Variants in AGBL1 observed in about 807,000 individuals in gnomAD.
The protein encoded by AGBL1 is AGBL carboxypeptidase 1.
AGBL1 carries 130 observed loss-of-function variants against 118.9 expected under a neutral mutation model. The ratio of observed to expected loss-of-function variants is 1.09; its 90% confidence interval spans 0.95 to 1.26. The LOEUF is 1.26. AGBL1 is among the 50% of genes most tolerant of loss of function. The pLI, the probability that AGBL1 is intolerant of heterozygous loss-of-function variation, is 0.00. For missense variants in AGBL1, 1,584 were observed against 1,298.1 expected, an observed-to-expected ratio of 1.22 and a Z score of -3.38; for synonymous variants, 555 against 478.9, an observed-to-expected ratio of 1.16 and a Z score of -2.08.
At chr15:86,322,086 T>C (rs2080112608) in intron 17 of AGBL1, among the ~76,000 whole-genome samples, 6 of 150,964 alleles carry the variant, frequency 4.0e-5, no homozygotes, top group Admixed American at 3.3e-4. Context: ...CTAATTTTTG[T>C]AACTATCTCG....
intron 18 of AGBL1, among the ~76,000 whole-genome samples, chr15:86,400,276 A>G (rs2081424646): frequency 6.6e-6 from 1 of 152,118 alleles, no homozygotes; most frequent in African/African-American, 2.4e-5. Context: ...TCCCATGGAT[A>G]AAATCTAATC....
intron 5 of AGBL1, among the ~76,000 whole-genome samples, chr15:86,199,354 A>G (rs2077867776): frequency 6.6e-6 from 1 of 152,180 alleles, no homozygotes; most frequent in Admixed American, 6.5e-5. Flanking sequence ...TGGACCTGCT[A>G]TTCTAGAACT....
intron 17 of AGBL1, among the ~76,000 whole-genome samples, chr15:86,380,982 A>G (rs2081106910): frequency 6.6e-6 from 1 of 151,900 alleles, no homozygotes; most frequent in Non-Finnish European, 1.5e-5. Context: ...GCTTGTTTCT[A>G]ATTACTGGGG....
chr15:86,896,447 G>C (rs2080128097), intron 22 of AGBL1, among the ~76,000 whole-genome samples: 1 of 151,228 alleles, frequency 6.6e-6, no homozygotes, highest in African/African-American at 2.4e-5. Context: ...TTCTGATGGG[G>C]GCCTCAAGTT....
intron 3 of AGBL1, among the ~76,000 whole-genome samples, chr15:86,151,561 C>A (rs1004181331): frequency 3.3e-5 from 5 of 152,140 alleles, no homozygotes; most frequent in Non-Finnish European, 7.3e-5. Context: ...AAACCCACAG[C>A]CGATATCATA....
At chr15:86,803,605 C>A (rs925888912) in intron 22 of AGBL1, among the ~76,000 whole-genome samples, 4 of 152,104 alleles carry the variant, frequency 2.6e-5, no homozygotes, top group African/African-American at 9.7e-5. Flanking sequence ...TTATTTGCAT[C>A]TCTCCTTGAG....
chr15:86,293,523 G>C (rs747763984), intron 16 of AGBL1, among the ~76,000 whole-genome samples: 4 of 152,152 alleles, frequency 2.6e-5, no homozygotes, highest in Non-Finnish European at 5.9e-5. Context: ...GTTGTGATTA[G>C]ATTGGCCACA....
intron 22 of AGBL1, among the ~76,000 whole-genome samples, chr15:86,704,317 C>T (rs1204404584): frequency 2.0e-5 from 3 of 152,244 alleles, no homozygotes; most frequent in East Asian, 3.9e-4. Context: ...ACCTTCTGCA[C>T]AGCAAAAGAA....
chr15:86,407,841 G>C (rs192425947), intron 18 of AGBL1, among the ~76,000 whole-genome samples: 2 of 152,194 alleles, frequency 1.3e-5, no homozygotes, highest in South Asian at 2.1e-4. Flanking sequence ...TGGATCATGT[G>C]GGGGAATGAT....
At chr15:86,714,401 A>C (rs894758159) in intron 22 of AGBL1, among the ~76,000 whole-genome samples, 1 of 152,298 alleles carries the variant, frequency 6.6e-6, no homozygotes. Flanking sequence ...AAGATAAACT[A>C]TCAGTGGGAA....
At chr15:87,003,310 G>C (rs1296272468) in intron 24 of AGBL1, among the ~76,000 whole-genome samples, 1 of 152,008 alleles carries the variant, frequency 6.6e-6, no homozygotes, top group South Asian at 2.1e-4. Context: ...AACCAGTCTT[G>C]CATCCCAGGG....
chr15:86,532,635 AAG>A (rs1175244420), intron 19 of AGBL1, among the ~76,000 whole-genome samples: 1 of 149,672 alleles, frequency 6.7e-6, no homozygotes, highest in South Asian at 2.1e-4. Flanking sequence ...GGAACCAAAA[AAG>A]AGCCCGCATC....
At chr15:86,420,615 G>A (rs1048821348) in intron 18 of AGBL1, among the ~76,000 whole-genome samples, 2 of 152,210 alleles carry the variant, frequency 1.3e-5, no homozygotes, top group African/African-American at 4.8e-5. Context: ...GAATGGGTTT[G>A]ACGAATTAAC....
Position 86,270,038 on chromosome 15 carries a change from G to C in AGBL1, c.1958G>C (p.Cys653Ser). The change falls in exon 14 of 23, where the codon TGT becomes TCT. Residue 653 changes from cysteine (C) to serine (S), a missense_variant. Transcript: ENST00000614907. Reference sequence around the variant, plus strand: ...CCTTACCACTTCAACATCATCAACTGTGAGAAGCCCAACAGCCAGTTTAAT... The same window carrying C: ...CCTTACCACTTCAACATCATCAACTCTGAGAAGCCCAACAGCCAGTTTAAT... ...AIPYHFNIIN[C>S]EKPNSQFNYG... 23 of 1,612,996 alleles carry C rather than the reference G, an allele frequency of 1.4e-5. No individual in the cohort carries two copies. The highest frequency in any genetic ancestry group is 1.9e-5 in the Non-Finnish European group (22 of 1,179,508).
Position 86,670,914 on chromosome 15 carries a change from T to TA in AGBL1, c.2995-3356dup, listed in dbSNP as rs148398479. ...TGGTGAGTTATCAAGAAAAGTTGTT[T>TA]AAATCAGAGAGGGTTGTACTGGTTA... On this transcript the variant is annotated intron_variant, in intron 21 of 22. Coordinates refer to ENST00000614907, the MANE Select transcript of AGBL1 (RefSeq NM_001386094.1). Among the ~76,000 whole-genome samples the TA allele has an allele frequency of 6.7e-3, 1,018 of 152,136 alleles. 8 individuals are homozygous for TA. Among genetic ancestry groups the TA allele is most frequent in the East Asian group, 0.021 (106 of 5,142 alleles).
intron 10 of AGBL1, 106 bp from the exon 11 acceptor site, chr15:86,264,152 A>G: frequency 1.0e-6 from 1 of 961,422 alleles, no homozygotes; most frequent in Non-Finnish European, 1.5e-6. Flanking sequence ...CCACATTCAC[A>G]GGATTTATGC....
downstream of AGBL1, among the ~76,000 whole-genome samples, chr15:86,916,532 A>C (rs1041441780): frequency 1.3e-5 from 2 of 152,176 alleles, no homozygotes; most frequent in Non-Finnish European, 2.9e-5. Flanking sequence ...GTAATTTAGG[A>C]AATGATGGTT....
intron 18 of AGBL1, among the ~76,000 whole-genome samples, chr15:86,492,038 G>A (rs866467162): frequency 9.9e-5 from 15 of 152,148 alleles, no homozygotes; most frequent in Admixed American, 5.9e-4. Flanking sequence ...ATGAGAGATG[G>A]AGACTTAAAG....
intron 23 of AGBL1, among the ~76,000 whole-genome samples, chr15:86,982,707 GA>G (rs1455956755): frequency 1.3e-5 from 2 of 152,088 alleles, no homozygotes. Flanking sequence ...TCTTTCTGGT[GA>G]TTTTTTTAAT....
Sources: gnomAD v4.1 joint callset for allele counts (sites outside exome capture counted in the v4.1 genomes callset) on GRCh38, gnomAD v4.1.1 for gene constraint, MANE v1.5 for transcripts, NCBI Gene and HGNC (gene_info 2026-07-23, HGNC 2026-07-21) for gene names.